STOX2: variants seen among roughly 807,000 people sequenced by gnomAD.
STOX2 encodes storkhead box 2.
A neutral mutation model predicts 60.9 loss-of-function variants in STOX2; 28 were observed. That is an observed-to-expected ratio of 0.46 (90% CI 0.34 to 0.63). STOX2 has a LOEUF of 0.63. Ranked by LOEUF, STOX2 falls within the 30% of genes least tolerant of loss-of-function variation. The probability of loss-of-function intolerance (pLI) is 0.01; values close to 1 mark genes in which losing one functional copy is unlikely to be tolerated. For missense variants in STOX2, 1,024 were observed against 1,187.7 expected (o/e 0.86, Z 2.03); for synonymous variants, 472 against 463.9 (o/e 1.02, Z -0.22).
Position 184,010,954 on chromosome 4 carries a change from C to A in STOX2, c.2116C>A (p.Pro706Thr), listed in dbSNP as rs1734132502. The A allele has an allele frequency of 6.2e-7, 1 of 1,613,382 alleles. No homozygotes were observed. Among genetic ancestry groups the A allele is most frequent in the Admixed American group, 1.7e-5 (1 of 59,940 alleles). ...ATTTAGCAAAGACACACTGTTCAAA[C>A]CTCTTCACAGCACCTTGTCTGTAAA... ...EIFSKDTLFK[P>T]LHSTLSVNSY... The change falls in exon 3 of 4, where the codon CCT (proline) becomes ACT (threonine). Residue 706 changes from proline to threonine, a missense_variant. Physicochemically the swap from Pro to Thr is conservative, Grantham distance 38. Coordinates refer to ENST00000308497, the MANE Select transcript of STOX2 (RefSeq NM_020225.3). The surrounding 1 kb of genome is among the most constrained non-coding windows in gnomAD (Gnocchi z 4.5).
Position 183,989,120 on chromosome 4 carries a change from C to G in STOX2, c.167-12205C>G, listed in dbSNP as rs113389228. Among the ~76,000 whole-genome samples, 592 of 151,324 alleles carry G rather than the reference C, an allele frequency of 3.9e-3. 4 individuals carry two copies. Among genetic ancestry groups the G allele is most frequent in the African/African-American group, 0.014 (574 of 41,240 alleles). On this transcript the variant is annotated intron_variant, in intron 1 of 3. Transcript: ENST00000308497. ...CCCTCAGCTGTATATCTATCTCGCT[C>G]GCTGCTCTGAGGGAGGCATTCAGTA...
At chr4:183,819,311 G>A (rs1579299629) in intron 1 of STOX2, among the ~76,000 whole-genome samples, 1 of 152,088 alleles carries the variant, frequency 6.6e-6, no homozygotes, top group East Asian at 1.9e-4. Context: ...GGGAGGCCGA[G>A]GCTAGCAGAT....
intron 1 of STOX2, among the ~76,000 whole-genome samples, chr4:183,867,179 C>T (rs958559963): frequency 6.6e-6 from 1 of 152,188 alleles, no homozygotes; most frequent in East Asian, 1.9e-4. Context: ...CTCTCTATTA[C>T]CCATGTGGGC....
Position 184,009,036 on chromosome 4 carries a change from A to T in STOX2, c.320-122A>T, listed in dbSNP as rs1484992166. 2.6e-6 allele frequency: 2 copies of T among 755,928 alleles called. No individual in the cohort carries two copies. The highest frequency in any genetic ancestry group is 4.2e-6 in the Non-Finnish European group (2 of 474,360). 46.8% of individuals were successfully genotyped at this position (755,928 alleles called of 1,614,324 possible). A position where few individuals can be genotyped will look rare whatever the true frequency, so the allele number is the denominator to read the frequency against. ...GAACTTAATGAACACCTTTGTCTGAATTGTGCATCCTAGCTCTGTGATGGT... is the reference window on the plus strand; with the variant it reads ...GAACTTAATGAACACCTTTGTCTGATTTGTGCATCCTAGCTCTGTGATGGT... On this transcript the variant is annotated intron_variant, in intron 2 of 3. Coordinates refer to ENST00000308497, the MANE Select transcript of STOX2 (RefSeq NM_020225.3). The surrounding 1 kb of genome is among the most constrained non-coding windows in gnomAD (Gnocchi z 4.0).
chr4:183,800,586 A>G (rs1457358853), intron 1 of STOX2, among the ~76,000 whole-genome samples: 1 of 152,212 alleles, frequency 6.6e-6, no homozygotes, highest in Non-Finnish European at 1.5e-5. Context: ...ATAGAGCCAG[A>G]CACATAGATG....
At position 183,958,587 on chromosome 4, in the gene STOX2, A is replaced by G. The variant is rs569274964; in HGVS notation, c.167-42738A>G. Among the ~76,000 whole-genome samples, 108 of 152,008 alleles carry G rather than the reference A, an allele frequency of 7.1e-4. 1 individual carries two copies. Among genetic ancestry groups the G allele is most frequent in the Admixed American group, 7.1e-3 (108 of 15,280 alleles). On this transcript the variant is annotated intron_variant, in intron 1 of 3. Coordinates refer to ENST00000308497, the MANE Select transcript of STOX2 (RefSeq NM_020225.3). ...CCCTCTCATTCTCTTCTCCTTTTCTATTCCACCTACTGTCATTTTGGTGAG... is the reference window on the plus strand; with the variant it reads ...CCCTCTCATTCTCTTCTCCTTTTCTGTTCCACCTACTGTCATTTTGGTGAG...
At chr4:183,914,985 G>A (rs995585831) in intron 1 of STOX2, among the ~76,000 whole-genome samples, 3 of 152,198 alleles carry the variant, frequency 2.0e-5, no homozygotes, top group Non-Finnish European at 2.9e-5. Flanking sequence ...AAAAGACTAG[G>A]CCAGCTATGT....
At chr4:183,995,494 T>C (rs755597738) in intron 1 of STOX2, among the ~76,000 whole-genome samples, 2 of 151,900 alleles carry the variant, frequency 1.3e-5, no homozygotes, top group African/African-American at 4.8e-5. Flanking sequence ...GGAAAATAGA[T>C]AGAGGGATTT....
intron 1 of STOX2, among the ~76,000 whole-genome samples, chr4:183,880,734 C>G (rs1740940443): frequency 6.6e-6 from 1 of 152,202 alleles, no homozygotes; most frequent in Non-Finnish European, 1.5e-5. Context: ...TTGACAATGT[C>G]TCTGTTAGAT....
chr4:183,985,067 G>A (rs1020458039), intron 1 of STOX2, among the ~76,000 whole-genome samples: 5 of 152,098 alleles, frequency 3.3e-5, no homozygotes, highest in Non-Finnish European at 5.9e-5. Flanking sequence ...CTTTTCCATG[G>A]TCCTTCAATA....
rs1017420697 is a variant in STOX2, at chr4:184,021,111, A to T, written c.*3827A>T. ...TTTTTTGAAAGTCTTGCCATTTATAACATGGGCAGTATTTGGAGCTTCATT... is the reference window on the plus strand; with the variant it reads ...TTTTTTGAAAGTCTTGCCATTTATATCATGGGCAGTATTTGGAGCTTCATT... On this transcript the variant is annotated 3_prime_UTR_variant, in exon 4 of 4. Coordinates refer to ENST00000308497, the MANE Select transcript of STOX2 (RefSeq NM_020225.3). 2 of 152,242 alleles carry T rather than the reference A, an allele frequency of 1.3e-5. No individual in the cohort carries two copies. Among genetic ancestry groups the T allele is most frequent in the Non-Finnish European group, 2.9e-5 (2 of 68,046 alleles). The allele number at this position is 152,242 out of a possible 1,614,324, so 9.4% of individuals were successfully genotyped here. A position where few individuals can be genotyped will look rare whatever the true frequency, so the allele number is the denominator to read the frequency against.
chr4:183,807,154 A>G (rs1347304212), intron 1 of STOX2, among the ~76,000 whole-genome samples: 2 of 151,902 alleles, frequency 1.3e-5, no homozygotes, highest in Non-Finnish European at 2.9e-5. Context: ...TAGTATTTTT[A>G]GTAGAGACGG....
chr4:183,855,192 G>A (rs1203151073), intron 1 of STOX2, among the ~76,000 whole-genome samples: 1 of 152,154 alleles, frequency 6.6e-6, no homozygotes, highest in Non-Finnish European at 1.5e-5. Context: ...GCATTACTTT[G>A]GGTGTTTAAT....
chr4:183,921,792 A>G (rs1474216855), intron 1 of STOX2, among the ~76,000 whole-genome samples: 3 of 152,220 alleles, frequency 2.0e-5, no homozygotes, highest in Non-Finnish European at 4.4e-5. Flanking sequence ...GTTAAAAATG[A>G]TATCTTTTAT....
At chr4:183,815,203 C>G (rs1343365861) in intron 1 of STOX2, among the ~76,000 whole-genome samples, 1 of 151,484 alleles carries the variant, frequency 6.6e-6, no homozygotes, top group Non-Finnish European at 1.5e-5. Context: ...TGCTATATTG[C>G]CAGGCTGGTC....
At chr4:183,993,294 C>A (rs904557785) in intron 1 of STOX2, among the ~76,000 whole-genome samples, 3 of 152,202 alleles carry the variant, frequency 2.0e-5, no homozygotes, top group Non-Finnish European at 4.4e-5. Context: ...CTTCTGTAGA[C>A]CAATGAGCCA....
chr4:183,799,893 C>T (rs1437953697), intron 1 of STOX2, among the ~76,000 whole-genome samples: 2 of 152,172 alleles, frequency 1.3e-5, no homozygotes, highest in Non-Finnish European at 2.9e-5. Flanking sequence ...GCTGTCTCTG[C>T]TGACTGGCAA....
intron 1 of STOX2, among the ~76,000 whole-genome samples, chr4:183,884,142 C>T (rs1212142177): frequency 3.9e-5 from 6 of 152,266 alleles, no homozygotes; most frequent in Admixed American, 3.9e-4. Flanking sequence ...GCGCGAGCCA[C>T]TGCGCCTGGC....
At chr4:183,925,542 A>G (rs1041124997) in intron 1 of STOX2, among the ~76,000 whole-genome samples, 1 of 152,164 alleles carries the variant, frequency 6.6e-6, no homozygotes, top group Non-Finnish European at 1.5e-5. Context: ...GTCTATTATC[A>G]TGAAGAATTA....
Sources: allele counts gnomAD v4.1 joint callset (sites outside exome capture counted in the v4.1 genomes callset), GRCh38; gene constraint gnomAD v4.1.1; non-coding constraint Gnocchi (gnomAD v3.1); transcripts MANE v1.5; gene names NCBI Gene and HGNC (gene_info 2026-07-23, HGNC 2026-07-21).